Variants in CFAP20DC observed in about 807,000 individuals in gnomAD.
CFAP20DC encodes the protein CFAP20 domain containing, also known as protein CFAP20DC.
CFAP20DC carries 84 observed loss-of-function variants against 101.7 expected under a neutral mutation model. The observed-to-expected ratio is 0.83, with a 90% CI of 0.69 to 0.99. The LOEUF (loss-of-function observed/expected upper bound fraction) is 0.99, where lower values mean the gene tolerates loss of function less well. Among genes scored for constraint, CFAP20DC ranks in the 50% least tolerant of loss-of-function variants. The pLI, the probability that CFAP20DC is intolerant of heterozygous loss-of-function variation, is 0.00. For synonymous variants in CFAP20DC, 359 were observed against 351.2 expected (o/e 1.02, Z -0.25); for missense variants, 1,007 against 970.3 (o/e 1.04, Z -0.50).
chr3:58,889,615 G>A (rs1165842159), intron 6 of CFAP20DC, among the ~76,000 whole-genome samples: 1 of 145,428 alleles, frequency 6.9e-6, no homozygotes, highest in Non-Finnish European at 1.5e-5. Context: ...GATTTGGCAG[G>A]GTCATGGGAC....
In CFAP20DC at chr3:58,820,985, C is replaced by T. The variant is rs1046793023; in HGVS notation, c.2175+10701G>A. ...AACAGAATAGAGCCCTCAGAAATAA[C>T]GCCACATATCTACAATTATCTGATC... On this transcript the variant is annotated intron_variant, in intron 14 of 16. Coordinates refer to ENST00000482387, the MANE Select transcript of CFAP20DC (RefSeq NM_001394063.1). Among the ~76,000 whole-genome samples the T allele has an allele frequency of 1.2e-3, 182 of 150,916 alleles. 1 individual carries two copies. The highest frequency in any genetic ancestry group is 3.4e-3 in the Middle Eastern group (1 of 294).
intron 15 of CFAP20DC, among the ~76,000 whole-genome samples, chr3:58,764,402 G>A (rs2070054806): frequency 6.6e-6 from 1 of 152,158 alleles, no homozygotes; most frequent in Non-Finnish European, 1.5e-5. Flanking sequence ...GTATTAGGGT[G>A]GGAGTGACCT....
rs897772823 is a variant in CFAP20DC, at chr3:59,001,206, A to G, written c.278+38351T>C. Among the ~76,000 whole-genome samples the G allele has an allele frequency of 6.6e-6, 1 of 152,208 alleles. No homozygotes were observed. The highest frequency in any genetic ancestry group is 2.4e-5 in the African/African-American group (1 of 41,458). ...GGTAAAATAACACACATTGTAAATT[A>G]TAATTTATGTACTTAATTTCTATAC... On this transcript the variant is annotated intron_variant, in intron 4 of 16. Transcript: ENST00000482387. The surrounding 1 kb of genome is among the most constrained non-coding windows in gnomAD (Gnocchi z 4.5).
chr3:58,931,527 T>G (rs545510147), intron 5 of CFAP20DC, among the ~76,000 whole-genome samples: 2 of 151,896 alleles, frequency 1.3e-5, no homozygotes, highest in African/African-American at 4.8e-5. Context: ...CACCCCCCAG[T>G]AGGGGCAGAC....
chr3:58,863,857 A>G lies in CFAP20DC; in HGVS notation c.1294T>C (p.Ser432Pro). The G allele has an allele frequency of 6.2e-7, 1 of 1,613,686 alleles. No homozygotes were observed. The highest frequency in any genetic ancestry group is 8.5e-7 in the Non-Finnish European group (1 of 1,179,762). Residue 432 changes from serine to proline, a missense_variant, in exon 12 of 17, where the codon TCA (serine) becomes CCA (proline). Transcript: ENST00000482387. This position sits in a 1 kb window ranked among gnomAD's most constrained non-coding sequence, Gnocchi z 5.9. ...WIFPENADHI[S>P]YLASSRQSLL... ...GACTGTCTGCTGGATGCCAGATATGAAATGTGATCAGCATTTTCAGGAAAA... is the reference window on the plus strand; with the variant it reads ...GACTGTCTGCTGGATGCCAGATATGGAATGTGATCAGCATTTTCAGGAAAA...
rs906584507 is a variant in CFAP20DC, at chr3:58,971,247, CAAATCAGTT to C, written c.279-33494_279-33486del. Among the ~76,000 whole-genome samples the C allele has an allele frequency of 6.6e-6, 1 of 152,144 alleles. No homozygotes were observed. The highest frequency in any genetic ancestry group is 2.4e-5 in the African/African-American group (1 of 41,436). ...CTGAAAGTACGTTTTTCACAAATCA[CAAATCAGTT>C]AAGGATTCACAATTATCAACACAAA... On this transcript the variant is annotated intron_variant, in intron 4 of 16. Coordinates refer to ENST00000482387, the MANE Select transcript of CFAP20DC (RefSeq NM_001394063.1). This position sits in a 1 kb window ranked among gnomAD's most constrained non-coding sequence, Gnocchi z 4.1.
At chr3:58,992,079 A>G (rs2108628638) in intron 4 of CFAP20DC, among the ~76,000 whole-genome samples, 1 of 152,254 alleles carries the variant, frequency 6.6e-6, no homozygotes, top group East Asian at 1.9e-4. Flanking sequence ...TAGCATTGTT[A>G]TCCTCATTTT....
At chr3:59,010,627 C>T (rs887022003) in intron 4 of CFAP20DC, among the ~76,000 whole-genome samples, 1 of 152,124 alleles carries the variant, frequency 6.6e-6, no homozygotes, top group Non-Finnish European at 1.5e-5. Context: ...CTTTAATACT[C>T]CACTGACAAC....
chr3:58,727,979 C>T (rs1219015928), intron 3 of CFAP20DC: 5 of 152,322 alleles, frequency 3.3e-5, no homozygotes, highest in Admixed American at 6.5e-5. Context: ...CTTCTGCTCA[C>T]ATTTTATTGG....
At chr3:58,925,118 T>A (rs1428519555) in intron 5 of CFAP20DC, among the ~76,000 whole-genome samples, 2 of 152,174 alleles carry the variant, frequency 1.3e-5, no homozygotes, top group Non-Finnish European at 2.9e-5. Flanking sequence ...TCTGGGTCTG[T>A]TTCTAGTCCC....
intron 5 of CFAP20DC, among the ~76,000 whole-genome samples, chr3:58,930,921 G>C (rs1358423742): frequency 6.6e-6 from 1 of 152,156 alleles, no homozygotes; most frequent in Non-Finnish European, 1.5e-5. Context: ...AGTGGGCGCA[G>C]GACAGTGGGT....
intron 7 of CFAP20DC, among the ~76,000 whole-genome samples, chr3:58,875,358 C>T (rs773374569): frequency 6.6e-6 from 1 of 152,096 alleles, no homozygotes; most frequent in African/African-American, 2.4e-5. Context: ...CTATTATAGT[C>T]AATATTTGTG....
intron 12 of CFAP20DC, among the ~76,000 whole-genome samples, chr3:58,858,615 C>T (rs1273806437): frequency 6.6e-6 from 1 of 152,054 alleles, no homozygotes; most frequent in Non-Finnish European, 1.5e-5. Flanking sequence ...AATATTTATT[C>T]ATATTTCAAT....
At chr3:58,850,300 T>C (rs1047595972) in intron 12 of CFAP20DC, among the ~76,000 whole-genome samples, 1 of 152,056 alleles carries the variant, frequency 6.6e-6, no homozygotes, top group East Asian at 1.9e-4. Flanking sequence ...TATTTAAATA[T>C]ATATGGCCAG....
chr3:58,928,728 T>C (rs2086255307), intron 5 of CFAP20DC, among the ~76,000 whole-genome samples: 1 of 152,312 alleles, frequency 6.6e-6, no homozygotes, highest in East Asian at 1.9e-4. Flanking sequence ...CTGTTTCTTA[T>C]TGTTTAGACT....
chr3:59,026,991 A>G (rs1472303904), intron 4 of CFAP20DC, among the ~76,000 whole-genome samples: 1 of 152,200 alleles, frequency 6.6e-6, no homozygotes, highest in Non-Finnish European at 1.5e-5. Flanking sequence ...AATGTCTTCA[A>G]TTAACTCCAG....
chr3:58,737,364 G>A (rs1559529081), downstream of CFAP20DC: 1 of 396,036 alleles, frequency 2.5e-6, no homozygotes, highest in South Asian at 1.9e-5. The surrounding 1 kb of genome is among the most constrained non-coding windows in gnomAD (Gnocchi z 4.1). Context: ...AAGCAAGCAA[G>A]CAAACAAACA....
At chr3:59,012,545 C>A (rs1273371592) in intron 4 of CFAP20DC, among the ~76,000 whole-genome samples, 1 of 152,158 alleles carries the variant, frequency 6.6e-6, no homozygotes, top group African/African-American at 2.4e-5. Flanking sequence ...GAAGACTGGA[C>A]AAGGCTATTG....
chr3:58,950,474 C>A (rs1404418095), intron 4 of CFAP20DC, among the ~76,000 whole-genome samples: 2 of 152,136 alleles, frequency 1.3e-5, no homozygotes, highest in Non-Finnish European at 2.9e-5. Flanking sequence ...GCCAAAAGAA[C>A]AAAGCTGGAG....
Sources: allele counts gnomAD v4.1 joint callset (sites outside exome capture counted in the v4.1 genomes callset), GRCh38; gene constraint gnomAD v4.1.1; non-coding constraint Gnocchi (gnomAD v3.1); transcripts MANE v1.5; gene names NCBI Gene and HGNC (gene_info 2026-07-23, HGNC 2026-07-21).